Variants in ERBB4 observed in about 807,000 individuals in gnomAD.
ERBB4 encodes the protein receptor tyrosine-protein kinase erbB-4.
ERBB4 carries 42 observed loss-of-function variants against 158.0 expected under a neutral mutation model. The observed-to-expected ratio is 0.27, with a 90% CI of 0.21 to 0.34. The LOEUF (loss-of-function observed/expected upper bound fraction) is 0.34. Ranked by LOEUF, ERBB4 falls within the 10% of genes least tolerant of loss-of-function variation. ERBB4 has a pLI of 1.00. For synonymous variants in ERBB4, 583 were observed against 558.7 expected (o/e 1.04, Z -0.61); for missense variants, 1,333 against 1,624.1 (o/e 0.82, Z 3.08).
At chr2:211,726,737 G>T (rs1461368372) in intron 5 of ERBB4, among the ~76,000 whole-genome samples, 1 of 151,954 alleles carries the variant, frequency 6.6e-6, no homozygotes, top group Non-Finnish European at 1.5e-5. Flanking sequence ...CCTCCACAAT[G>T]CCCTAAAAGT....
chr2:211,505,288 G>A (rs1488380212), intron 20 of ERBB4, among the ~76,000 whole-genome samples: 15 of 149,874 alleles, frequency 1.0e-4, no homozygotes, highest in Admixed American at 1.0e-3. Context: ...AGAGACTGTG[G>A]AACTATTTTT....
chr2:212,127,808 T>G, intron 1 of ERBB4, among the ~76,000 whole-genome samples: 1 of 152,014 alleles, frequency 6.6e-6, no homozygotes, highest in Admixed American at 6.6e-5. Context: ...TAGAGCTATG[T>G]ACCTACAAGC....
chr2:212,014,953 G>A lies in ERBB4; in HGVS notation c.235-67337C>T, dbSNP rs139812976. Among the ~76,000 whole-genome samples, 260 of 146,896 alleles carry A rather than the reference G, an allele frequency of 1.8e-3. 1 individual carries two copies. Among genetic ancestry groups the A allele is most frequent in the African/African-American group, 5.8e-3 (223 of 38,490 alleles). ...CACGCCTGTAATCGCAGCACTTTGG[G>A]AGGCGAAGGCGGATGGATCACGAGG... On this transcript the variant is annotated intron_variant, in intron 2 of 27. Transcript: ENST00000342788.
chr2:211,863,781 G>T (rs536628243), intron 3 of ERBB4, among the ~76,000 whole-genome samples: 1 of 152,066 alleles, frequency 6.6e-6, no homozygotes, highest in Non-Finnish European at 1.5e-5. Context: ...AGAACCCACC[G>T]GAAGGAAAAA....
rs1184607165 is a variant in ERBB4 at position 212,134,571 on chromosome 2, T to TA, written c.83-9669dup. Among the ~76,000 whole-genome samples the TA allele has an allele frequency of 5.3e-5, 8 of 151,574 alleles. No homozygotes were observed. In the South Asian group the frequency reaches 8.3e-4, roughly 16 times the overall value. ...TTCAGTGTAAAAATTGGTATCCTTT[T>TA]AAAAAAAATCCTATTATGTATTATC... On this transcript the variant is annotated intron_variant, in intron 1 of 27. Coordinates refer to ENST00000342788, the MANE Select transcript of ERBB4 (RefSeq NM_005235.3).
intron 1 of ERBB4, among the ~76,000 whole-genome samples, chr2:212,131,337 TA>T (rs1220626374): frequency 1.3e-5 from 2 of 152,192 alleles, no homozygotes; most frequent in African/African-American, 4.8e-5. Context: ...TTCATGTCAC[TA>T]AAAACACCCT....
intron 1 of ERBB4, among the ~76,000 whole-genome samples, chr2:212,300,713 G>A (rs376473830): frequency 1.3e-5 from 2 of 151,556 alleles, no homozygotes; most frequent in Non-Finnish European, 3.0e-5. Flanking sequence ...AAACATAAGG[G>A]TGATAGAACT....
At chr2:211,392,653 T>C (rs1319576262) in intron 25 of ERBB4, among the ~76,000 whole-genome samples, 3 of 151,428 alleles carry the variant, frequency 2.0e-5, no homozygotes, top group Non-Finnish European at 4.4e-5. Context: ...TGGGCTCTTA[T>C]TCTTTTTTGT....
intron 3 of ERBB4, among the ~76,000 whole-genome samples, chr2:211,890,732 CA>C (rs1425056136): frequency 7.5e-6 from 1 of 132,468 alleles, no homozygotes; most frequent in Non-Finnish European, 1.6e-5. Flanking sequence ...AAATGGGAAA[CA>C]AAAAAAGGCA....
intron 1 of ERBB4, among the ~76,000 whole-genome samples, chr2:212,286,606 T>TTGTTTTTTTTTTTG (rs1215902216): frequency 7.8e-6 from 1 of 128,194 alleles, no homozygotes; most frequent in Non-Finnish European, 1.7e-5. Context: ...TTTTTTTTTT[T>TTGTTTTTTTTTTTG]TTTTTTTTTT....
chr2:211,853,005 C>A (rs2077756507), intron 3 of ERBB4, among the ~76,000 whole-genome samples: 1 of 151,988 alleles, frequency 6.6e-6, no homozygotes, highest in Admixed American at 6.6e-5. Context: ...CTTGTCATCA[C>A]AGCCTACTAC....
intron 20 of ERBB4, among the ~76,000 whole-genome samples, chr2:211,450,507 C>T (rs1265271615): frequency 6.6e-6 from 1 of 151,950 alleles, no homozygotes; most frequent in African/African-American, 2.4e-5. Flanking sequence ...CAGGGTGGTG[C>T]TAGCAATGGT....
intron 19 of ERBB4, among the ~76,000 whole-genome samples, chr2:211,586,589 T>A (rs1314679387): frequency 2.0e-5 from 3 of 152,164 alleles, no homozygotes; most frequent in African/African-American, 4.8e-5. Flanking sequence ...AGAATACAAG[T>A]AGGAACTCTA....
At chr2:212,411,954 A>ACTT (rs199623388) in intron 1 of ERBB4, among the ~76,000 whole-genome samples, 1 of 151,996 alleles carries the variant, frequency 6.6e-6, no homozygotes, top group Non-Finnish European at 1.5e-5. Flanking sequence ...TATGGGAAAG[A>ACTT]CTTCTTCTTC....
intron 2 of ERBB4, among the ~76,000 whole-genome samples, chr2:212,035,630 C>T (rs1448498561): frequency 6.6e-6 from 1 of 152,100 alleles, no homozygotes; most frequent in Non-Finnish European, 1.5e-5. Flanking sequence ...TTCTATTAGA[C>T]CATAAAATCT....
intron 1 of ERBB4, among the ~76,000 whole-genome samples, chr2:212,320,386 T>C (rs1399379695): frequency 6.7e-6 from 1 of 148,226 alleles, no homozygotes; most frequent in Non-Finnish European, 1.5e-5. Flanking sequence ...TTAGAGAAAA[T>C]GTACTCTGAT....
chr2:211,907,149 A>C lies in ERBB4; in HGVS notation c.421+40281T>G, dbSNP rs558972369. Among the ~76,000 whole-genome samples the C allele has an allele frequency of 9.2e-5, 14 of 151,902 alleles. 1 individual carries two copies. The South Asian group carries it at 2.1e-3, about 23-fold the overall frequency. ...TATCTTGGGGTCTCTTTTTAACAGA[A>C]GCTTAGCTTGTATTTTCACTAAATA... is the stretch of plus-strand genomic sequence containing the variant. On this transcript the variant is annotated intron_variant, in intron 3 of 27. Coordinates refer to ENST00000342788, the MANE Select transcript of ERBB4 (RefSeq NM_005235.3).
At chr2:211,954,303 A>C (rs1169450318) in intron 2 of ERBB4, among the ~76,000 whole-genome samples, 2 of 152,082 alleles carry the variant, frequency 1.3e-5, no homozygotes, top group Non-Finnish European at 2.9e-5. Flanking sequence ...AAGCAATTAC[A>C]TGTTCCTAGC....
rs533199933 is a variant in ERBB4 at position 211,802,595 on chromosome 2, C to T, written c.422-14436G>A. On this transcript the variant is annotated intron_variant, in intron 3 of 27. Transcript: ENST00000342788. ...AGAATGATGATTTATTAATAAATACCGGAAATACATTTTTGAAATAAAAAT... is the reference window on the plus strand; with the variant it reads ...AGAATGATGATTTATTAATAAATACTGGAAATACATTTTTGAAATAAAAAT... Among the ~76,000 whole-genome samples, 10 of 152,098 alleles carry T rather than the reference C, an allele frequency of 6.6e-5. 1 individual carries two copies. In the East Asian group the frequency reaches 1.2e-3, roughly 18 times the overall value.
Sources: gnomAD v4.1 joint callset for allele counts (sites outside exome capture counted in the v4.1 genomes callset) on GRCh38, gnomAD v4.1.1 for gene constraint, MANE v1.5 for transcripts, NCBI Gene and HGNC (gene_info 2026-07-23, HGNC 2026-07-21) for gene names.